Variants in PTK2 observed in about 807,000 individuals in gnomAD.
The protein encoded by PTK2 is focal adhesion kinase 1.
In PTK2, 45 loss-of-function variants were observed where a neutral mutation model predicts 150.1. The ratio of observed to expected loss-of-function variants is 0.30; its 90% CI spans 0.24 to 0.38. The LOEUF is 0.38. PTK2 is among the 10% of genes least tolerant of loss of function. The pLI is 1.00. For synonymous variants in PTK2, 432 were observed against 449.2 expected (o/e 0.96, Z 0.48); for missense variants, 919 against 1,307.3 (o/e 0.70, Z 4.58).
chr8:140,971,655 T>C (rs13253978), intron 1 of PTK2, among the ~76,000 whole-genome samples: 65,569 of 152,114 alleles, frequency 0.43, 16,246 homozygotes, highest in Non-Finnish European at 0.57. Context: ...ATTTATACTG[T>C]AGTAAAGTCA....
intron 1 of PTK2, among the ~76,000 whole-genome samples, chr8:140,985,362 T>C (rs1443922868): frequency 6.6e-6 from 1 of 152,136 alleles, no homozygotes; most frequent in Non-Finnish European, 1.5e-5. Context: ...TAGACTCAAG[T>C]GATCCTCCCG....
chr8:140,862,555 C>A, intron 5 of PTK2, among the ~76,000 whole-genome samples: 1 of 152,192 alleles, frequency 6.6e-6, no homozygotes, highest in Non-Finnish European at 1.5e-5. Flanking sequence ...TGTCACCAAT[C>A]CCTTACCTCA....
At chr8:140,659,435 G>C in exon 32 of PTK2, 1 of 1,572,184 alleles carries the variant, frequency 6.4e-7, no homozygotes, top group Non-Finnish European at 8.7e-7. Context: ...ATCTTCAAAA[G>C]AGGGTAGCAA....
At chr8:140,943,963 A>G (rs1178968024) in intron 1 of PTK2, among the ~76,000 whole-genome samples, 1 of 152,196 alleles carries the variant, frequency 6.6e-6, no homozygotes, top group Non-Finnish European at 1.5e-5. Context: ...ACAGTTTATC[A>G]AAGAAAAAAT....
intron 5 of PTK2, among the ~76,000 whole-genome samples, chr8:140,847,293 T>C (rs1271334380): frequency 6.6e-6 from 1 of 152,222 alleles, no homozygotes; most frequent in Non-Finnish European, 1.5e-5. Flanking sequence ...CAATTTTAAG[T>C]GATTAATCTG....
At chr8:140,990,216 T>A (rs2100195172) in intron 1 of PTK2, among the ~76,000 whole-genome samples, 1 of 149,974 alleles carries the variant, frequency 6.7e-6, no homozygotes, top group African/African-American at 2.4e-5. Context: ...GTTATAACTT[T>A]AACTCTCCTT....
intron 10 of PTK2, among the ~76,000 whole-genome samples, chr8:140,812,799 T>C (rs1566877061): frequency 6.6e-6 from 1 of 152,092 alleles, no homozygotes; most frequent in East Asian, 1.9e-4. Flanking sequence ...CATTACATAA[T>C]GGTAAAGGGT....
At chr8:140,983,116 G>T (rs1379509292) in intron 1 of PTK2, among the ~76,000 whole-genome samples, 1 of 152,078 alleles carries the variant, frequency 6.6e-6, no homozygotes, top group Non-Finnish European at 1.5e-5. Context: ...GCCGGGTGTG[G>T]TGGCTCACAC....
chr8:140,863,944 A>G (rs1278785522), intron 5 of PTK2, among the ~76,000 whole-genome samples: 2 of 152,222 alleles, frequency 1.3e-5, no homozygotes, highest in Non-Finnish European at 2.9e-5. Context: ...CTAATGCCTT[A>G]CGGGGTAAAA....
intron 2 of PTK2, among the ~76,000 whole-genome samples, chr8:140,919,752 G>A (rs1320555829): frequency 2.6e-5 from 4 of 152,048 alleles, no homozygotes; most frequent in Non-Finnish European, 5.9e-5. Flanking sequence ...ATCCAAGAGT[G>A]TAAATTTAAC....
intron 2 of PTK2, chr8:140,921,165 T>TGAA: frequency 8.4e-7 from 1 of 1,188,858 alleles, no homozygotes; most frequent in Middle Eastern, 3.3e-4. Flanking sequence ...TAGATCAAGC[T>TGAA]ACTGAACAGA....
chr8:140,928,125 C>G (rs1309818880), intron 1 of PTK2, among the ~76,000 whole-genome samples: 1 of 151,088 alleles, frequency 6.6e-6, no homozygotes, highest in Non-Finnish European at 1.5e-5. Context: ...CCTTTTTTGT[C>G]AATTTCCCTC....
chr8:140,740,987 T>C (rs1345012233), intron 20 of PTK2, among the ~76,000 whole-genome samples: 1 of 150,452 alleles, frequency 6.6e-6, no homozygotes, highest in African/African-American at 2.5e-5. Context: ...TACAAAAAAA[T>C]CAAAAAATTA....
At chr8:140,736,898 T>C (rs991716869) in intron 21 of PTK2, among the ~76,000 whole-genome samples, 13 of 152,216 alleles carry the variant, frequency 8.5e-5, no homozygotes, top group African/African-American at 3.1e-4. Flanking sequence ...TTTGCATCTT[T>C]AGAACCTAGA....
At chr8:140,721,837 T>G (rs899961890) in intron 22 of PTK2, 6 of 152,216 alleles carry the variant, frequency 3.9e-5, no homozygotes, top group African/African-American at 1.4e-4. Context: ...TGAAGCTCCC[T>G]CCTCCCTTTA....
intron 2 of PTK2, among the ~76,000 whole-genome samples, chr8:140,894,165 T>C (rs2100155172): frequency 6.6e-6 from 1 of 152,142 alleles, no homozygotes; most frequent in Non-Finnish European, 1.5e-5. Context: ...TGAATGGGAT[T>C]AGTGCCCTTG....
rs556329158 is a variant in PTK2 at position 140,953,778 on chromosome 8, T to C, written c.-121-28029A>G. On this transcript the variant is annotated intron_variant, in intron 1 of 31. Transcript: ENST00000522684. ...ATGAATCTGAATCCCAGCTTTGCCA[T>C]CTACTAATTTAGTAATCTTTTTTTT... is the stretch of plus-strand genomic sequence containing the variant. Among the ~76,000 whole-genome samples the C allele has an allele frequency of 1.4e-4, 21 of 152,240 alleles. No individual in the cohort carries two copies. In the South Asian group the frequency reaches 4.1e-3, roughly 30 times the overall value.
chr8:140,670,488 AACACACACACACACACACACACACACAC>A (rs57247522), intron 29 of PTK2, among the ~76,000 whole-genome samples: 3 of 38,944 alleles, frequency 7.7e-5, no homozygotes, highest in Admixed American at 3.6e-4. Flanking sequence ...AAAAAACAAC[AACACACACACACACACACACACACACAC>A]ACACACACAC....
chr8:140,757,539 T>C (rs908637781), intron 16 of PTK2, among the ~76,000 whole-genome samples: 5 of 152,294 alleles, frequency 3.3e-5, no homozygotes, highest in African/African-American at 1.2e-4. Context: ...AAAAACCCTT[T>C]TATAACTTTT....
Sources: allele counts gnomAD v4.1 joint callset (sites outside exome capture counted in the v4.1 genomes callset), GRCh38; gene constraint gnomAD v4.1.1; transcripts MANE v1.5; gene names NCBI Gene and HGNC (gene_info 2026-07-23, HGNC 2026-07-21).